ARMH3: variants seen among roughly 807,000 people sequenced by gnomAD.
ARMH3 encodes armadillo-like helical domain-containing protein 3.
In ARMH3, 60 loss-of-function variants were observed where a neutral mutation model predicts 99.1. That is an observed-to-expected ratio of 0.61 (90% confidence interval 0.49 to 0.75). The LOEUF (loss-of-function observed/expected upper bound fraction) is 0.75. ARMH3 is among the 30% of genes least tolerant of loss of function. ARMH3 has a pLI of 0.00. For synonymous variants in ARMH3, 285 were observed against 292.8 expected (o/e 0.97, Z 0.27); for missense variants, 679 against 843.1 (o/e 0.81, Z 2.41).
intron 23 of ARMH3, among the ~76,000 whole-genome samples, chr10:101,932,004 T>C (rs1351851326): frequency 3.3e-5 from 5 of 152,210 alleles, no homozygotes; most frequent in Non-Finnish European, 5.9e-5. Context: ...CTGCACATCA[T>C]ATGCCTGATA....
In ARMH3 at chr10:101,846,403, AC is replaced by A. The variant is rs1013299411; in HGVS notation, c.*1124del. On this transcript the variant is annotated 3_prime_UTR_variant, in exon 26 of 26. Coordinates refer to ENST00000370033, the MANE Select transcript of ARMH3 (RefSeq NM_024541.3). Reference sequence around the variant, plus strand: ...AGGTGGGGGAGCTGCTGGAAAGGGAACCAGCAAAGTAGGCACCTTGAGGGCT... The same window carrying A: ...AGGTGGGGGAGCTGCTGGAAAGGGAACAGCAAAGTAGGCACCTTGAGGGCT... 6.6e-6 allele frequency: 1 copy of A among 152,338 alleles called. No individual in the cohort carries two copies. Among genetic ancestry groups the A allele is most frequent in the African/African-American group, 2.4e-5 (1 of 41,428 alleles). 9.4% of individuals were successfully genotyped at this position (152,338 alleles called of 1,614,324 possible). A position where few individuals can be genotyped will look rare whatever the true frequency, so the allele number is the denominator to read the frequency against.
intron 8 of ARMH3, among the ~76,000 whole-genome samples, chr10:102,019,159 G>A (rs1564853931): frequency 2.0e-5 from 3 of 151,718 alleles, no homozygotes; most frequent in African/African-American, 7.3e-5. Context: ...AGCAACTCTC[G>A]TGCATCAGCC....
intron 22 of ARMH3, among the ~76,000 whole-genome samples, chr10:101,945,156 G>C (rs980831067): frequency 6.6e-6 from 1 of 152,174 alleles, no homozygotes. Context: ...GCTCACAAGA[G>C]GGTCAGTTTC....
rs149001297 is a variant in ARMH3 at position 102,055,028 on chromosome 10, CAA to C, written c.-12+1055_-12+1056del. ...ACAAAAAACAAAACAAACAAACAAA[CAA>C]AAAAAAAAAGGCCGGGCGCGGTGGC... On this transcript the variant is annotated intron_variant, in intron 1 of 25. Coordinates refer to ENST00000370033, the MANE Select transcript of ARMH3 (RefSeq NM_024541.3). Among the ~76,000 whole-genome samples, 8 of 126,730 alleles carry C rather than the reference CAA, an allele frequency of 6.3e-5. No individual in the cohort carries two copies. The East Asian group carries it at 1.7e-3, about 27-fold the overall frequency. 83.1% of individuals were successfully genotyped at this position (126,730 alleles called of 152,430 possible).
At chr10:102,025,551 C>T (rs1168656172) in intron 5 of ARMH3, among the ~76,000 whole-genome samples, 1 of 152,162 alleles carries the variant, frequency 6.6e-6, no homozygotes, top group Admixed American at 6.5e-5. Flanking sequence ...TGTTTGCAGT[C>T]TGTCATCCCC....
At chr10:101,958,572 T>C (rs1291256535) in intron 20 of ARMH3, among the ~76,000 whole-genome samples, 1 of 152,188 alleles carries the variant, frequency 6.6e-6, no homozygotes, top group East Asian at 1.9e-4. Context: ...CCCCTGTACC[T>C]ACCTCCCCTA....
In ARMH3 at chr10:101,889,496, A is replaced by G. The variant is rs756182886; in HGVS notation, c.1782-6T>C. The G allele has an allele frequency of 6.2e-7, 1 of 1,609,040 alleles. No individual in the cohort carries two copies. The highest frequency in any genetic ancestry group is 2.2e-5 in the East Asian group (1 of 44,852). On this transcript the variant is annotated splice_region_variant and splice_polypyrimidine_tract_variant and intron_variant, in intron 23 of 25. Transcript: ENST00000370033. Reference sequence around the variant, plus strand: ...TAAAGTGGTTGATGATGGCTCTGAAACAAAGAATTCGTATTAATATGGTGC... The same window carrying G: ...TAAAGTGGTTGATGATGGCTCTGAAGCAAAGAATTCGTATTAATATGGTGC...
rs374447396 is a variant in ARMH3, at chr10:101,920,528, G to A, written c.1781+19335C>T. Among the ~76,000 whole-genome samples, 22 of 152,228 alleles carry A rather than the reference G, an allele frequency of 1.4e-4. No individual in the cohort carries two copies. The East Asian group carries it at 4.0e-3, about 28-fold the overall frequency. On this transcript the variant is annotated intron_variant, in intron 23 of 25. Coordinates refer to ENST00000370033, the MANE Select transcript of ARMH3 (RefSeq NM_024541.3). The stretch of plus-strand genomic sequence containing the variant: ...GCCAGCGAGGGGACAAGCACAGAGA[G>A]AAAAACGAGACAGAAAGAGGCAGGC...
At chr10:101,912,128 C>A (rs1842891066) in intron 23 of ARMH3, among the ~76,000 whole-genome samples, 1 of 152,144 alleles carries the variant, frequency 6.6e-6, no homozygotes, top group Admixed American at 6.6e-5. Flanking sequence ...GGCGTGGTGG[C>A]TCACGCCTAT....
At chr10:101,896,349 T>C (rs1362137432) in intron 23 of ARMH3, among the ~76,000 whole-genome samples, 3 of 152,216 alleles carry the variant, frequency 2.0e-5, no homozygotes, top group Non-Finnish European at 2.9e-5. Flanking sequence ...CTTCAATTTA[T>C]AGGAAAGGTC....
chr10:101,860,271 T>C (rs61873586), intron 24 of ARMH3, among the ~76,000 whole-genome samples: 7,475 of 152,200 alleles, frequency 0.049, 205 homozygotes, highest in Middle Eastern at 0.095. Context: ...TATATAGATA[T>C]AGATGAATAG....
At chr10:102,001,269 A>G (rs967996745) in intron 15 of ARMH3, among the ~76,000 whole-genome samples, 1 of 152,200 alleles carries the variant, frequency 6.6e-6, no homozygotes, top group East Asian at 1.9e-4. Context: ...CTGTATAAAG[A>G]AAAATGCTAA....
chr10:101,940,270 G>A (rs989533136), intron 22 of ARMH3, among the ~76,000 whole-genome samples: 5 of 152,202 alleles, frequency 3.3e-5, no homozygotes, highest in Non-Finnish European at 7.3e-5. Context: ...GTGGTGATGT[G>A]AGGGTAAACT....
chr10:101,904,472 T>C (rs2068054729), intron 23 of ARMH3, among the ~76,000 whole-genome samples: 2 of 152,128 alleles, frequency 1.3e-5, no homozygotes, highest in Non-Finnish European at 2.9e-5. Flanking sequence ...AAAATAGCAC[T>C]AATTACTTTG....
intron 20 of ARMH3, 28 bp from the exon 21 acceptor site, chr10:101,957,760 C>T (rs745582121): frequency 2.7e-6 from 4 of 1,472,270 alleles, no homozygotes; most frequent in Non-Finnish European, 3.6e-6. Context: ...AAGACATCAA[C>T]AAGCTATTCA....
intron 1 of ARMH3, among the ~76,000 whole-genome samples, chr10:102,041,147 G>A (rs1225311279): frequency 7.1e-6 from 1 of 140,750 alleles, no homozygotes; most frequent in African/African-American, 2.6e-5. Flanking sequence ...AAACTCCAAG[G>A]TATTTTTCAA....
intron 20 of ARMH3, among the ~76,000 whole-genome samples, chr10:101,974,805 G>C (rs933812154): frequency 6.6e-6 from 1 of 151,802 alleles, no homozygotes; most frequent in African/African-American, 2.4e-5. Flanking sequence ...TGACATTCCT[G>C]AAGAAACACA....
chr10:102,022,249 AAC>A lies in ARMH3; in HGVS notation c.669+1226_669+1227del, dbSNP rs781481022. On this transcript the variant is annotated intron_variant, in intron 8 of 25. Transcript: ENST00000370033. ...ACCACAAAAAAATCAAATCTTTCTA[AAC>A]AGATGAACTAGGTCAGTGGTTCTCA... 4.6e-5 allele frequency among the ~76,000 whole-genome samples: 7 copies of A among 152,080 alleles called. No individual in the cohort carries two copies. The East Asian group carries it at 7.8e-4, about 17-fold the overall frequency.
chr10:102,046,502 A>G (rs2067556000), intron 1 of ARMH3, among the ~76,000 whole-genome samples: 1 of 151,986 alleles, frequency 6.6e-6, no homozygotes, highest in Admixed American at 6.6e-5. Context: ...AAAATACAAA[A>G]TTAGCCGGGC....
Sources: allele counts gnomAD v4.1 joint callset (sites outside exome capture counted in the v4.1 genomes callset), GRCh38; gene constraint gnomAD v4.1.1; transcripts MANE v1.5; gene names NCBI Gene and HGNC (gene_info 2026-07-23, HGNC 2026-07-21).